Variants in ARHGAP31 observed in about 807,000 individuals in gnomAD.
The protein encoded by ARHGAP31 is rho GTPase-activating protein 31.
In ARHGAP31, 34 loss-of-function variants were observed where a neutral mutation model predicts 113.9. That is an observed-to-expected ratio of 0.30 (90% CI 0.23 to 0.40). The LOEUF (loss-of-function observed/expected upper bound fraction) is 0.40, where lower values mean the gene tolerates loss of function less well. ARHGAP31 is among the 10% of genes least tolerant of loss of function. ARHGAP31 has a pLI of 1.00. For synonymous variants in ARHGAP31, 650 were observed against 684.8 expected, an observed-to-expected ratio of 0.95 and a Z score of 0.79; for missense variants, 1,548 against 1,767.1, an observed-to-expected ratio of 0.88 and a Z score of 2.22.
At chr3:119,328,774 G>A (rs780171201) in intron 1 of ARHGAP31, among the ~76,000 whole-genome samples, 2 of 152,060 alleles carry the variant, frequency 1.3e-5, no homozygotes, top group African/African-American at 2.4e-5. Context: ...TGGAGTAGCT[G>A]GGACTACAGG....
chr3:119,410,383 G>A (rs1395723089), intron 11 of ARHGAP31, among the ~76,000 whole-genome samples: 1 of 152,158 alleles, frequency 6.6e-6, no homozygotes, highest in African/African-American at 2.4e-5. Flanking sequence ...CCAAGGAGGA[G>A]TCCTGCATTT....
Position 119,414,696 on chromosome 3 carries a change from C to A in ARHGAP31, c.2767C>A (p.Leu923Met). The change falls in exon 12 of 12, where the codon CTG becomes ATG. Residue 923 changes from leucine (L) to methionine (M), a missense_variant. Transcript: ENST00000264245. ...GACGAGTCCCCTTCACTCTCCCACC[C>A]TGAAAGACGCGCACAAGGCCCAGGT... is the stretch of plus-strand genomic sequence containing the variant. ...WVTSPLHSPT[L>M]KDAHKAQVQG... The A allele has an allele frequency of 2.5e-6, 4 of 1,614,224 alleles. No homozygotes were observed. The highest frequency in any genetic ancestry group is 2.5e-6 in the Non-Finnish European group (3 of 1,180,044).
chr3:119,404,535 G>A (rs1391983924), intron 10 of ARHGAP31, among the ~76,000 whole-genome samples: 1 of 152,178 alleles, frequency 6.6e-6, no homozygotes, highest in East Asian at 1.9e-4. Context: ...CTTCTTCCAT[G>A]ATTATTCCAT....
At position 119,414,221 on chromosome 3, in the gene ARHGAP31, T is replaced by C. The variant is rs754736555; in HGVS notation, c.2292T>C (p.Ser764=). Residue 764 remains serine (S), a synonymous_variant, in exon 12 of 12, where the codon TCT becomes TCC. Coordinates refer to ENST00000264245, the MANE Select transcript of ARHGAP31 (RefSeq NM_020754.4). ...AAATAGTTCCTTTTGAGAAGGCATC[T>C]CCACAAGCAACAGTGGAAGTAGGAG... is the stretch of plus-strand genomic sequence containing the variant. The part of the protein sequence containing the change: ...PLEIVPFEKA[S]PQATVEVGGP... 5.0e-6 allele frequency: 8 copies of C among 1,614,134 alleles called. No homozygotes were observed. The highest frequency in any genetic ancestry group is 4.5e-5 in the East Asian group (2 of 44,856).
chr3:119,367,330 G>A (rs2080259437), intron 2 of ARHGAP31, among the ~76,000 whole-genome samples: 2 of 152,128 alleles, frequency 1.3e-5, no homozygotes, highest in South Asian at 2.1e-4. Context: ...CTATATTAAA[G>A]CTCCAATTTA....
intron 1 of ARHGAP31, among the ~76,000 whole-genome samples, chr3:119,341,120 G>A (rs1316983491): frequency 6.6e-6 from 1 of 152,156 alleles, no homozygotes; most frequent in African/African-American, 2.4e-5. Context: ...GGAGTTGGGA[G>A]TCAGGAGTCC....
chr3:119,416,552 T>C lies in ARHGAP31; in HGVS notation c.*288T>C, dbSNP rs966456626. ...CCTCCAATGAACTTTGGAGCTTGTA[T>C]GTGAGTCAGATTGCTCCCCTATTGC... On this transcript the variant is annotated 3_prime_UTR_variant, in exon 12 of 12. Coordinates refer to ENST00000264245, the MANE Select transcript of ARHGAP31 (RefSeq NM_020754.4). 1 of 451,250 alleles carries C rather than the reference T, an allele frequency of 2.2e-6. No homozygotes were observed. The highest frequency in any genetic ancestry group is 4.1e-6 in the Non-Finnish European group (1 of 243,994). 28.0% of individuals were successfully genotyped at this position (451,250 alleles called of 1,614,324 possible).
chr3:119,313,878 G>A (rs1033384029), intron 1 of ARHGAP31, among the ~76,000 whole-genome samples: 1 of 152,320 alleles, frequency 6.6e-6, no homozygotes, highest in African/African-American at 2.4e-5. Flanking sequence ...CTTAAGGTAG[G>A]ATCAGAAAAC....
intron 6 of ARHGAP31, among the ~76,000 whole-genome samples, chr3:119,384,317 G>A (rs758343660): frequency 3.9e-5 from 6 of 152,238 alleles, no homozygotes; most frequent in Non-Finnish European, 8.8e-5. Context: ...GTGTAAAATG[G>A]TTCTTAATGT....
chr3:119,370,361 C>A (rs542533031), intron 3 of ARHGAP31, among the ~76,000 whole-genome samples: 1 of 152,282 alleles, frequency 6.6e-6, no homozygotes, highest in Admixed American at 6.5e-5. Flanking sequence ...CTACAGTTAA[C>A]ATGTTGTGGG....
At chr3:119,334,309 G>A (rs750988011) in intron 1 of ARHGAP31, among the ~76,000 whole-genome samples, 5 of 152,164 alleles carry the variant, frequency 3.3e-5, no homozygotes, top group Non-Finnish European at 5.9e-5. Flanking sequence ...CCAGACACTT[G>A]CGTGACTGCT....
At chr3:119,306,302 C>G (rs1484711367) in intron 1 of ARHGAP31, among the ~76,000 whole-genome samples, 1 of 152,144 alleles carries the variant, frequency 6.6e-6, no homozygotes, top group African/African-American at 2.4e-5. Context: ...GGCCTGTAAT[C>G]ATAGCACTTT....
intron 1 of ARHGAP31, among the ~76,000 whole-genome samples, chr3:119,300,421 GA>G (rs1333471569): frequency 6.6e-6 from 1 of 152,174 alleles, no homozygotes; most frequent in Non-Finnish European, 1.5e-5. Flanking sequence ...TTGCCCTACT[GA>G]ATGAAGAAGC....
rs2079520874 is a variant in ARHGAP31 at position 119,295,052 on chromosome 3, G to C, written c.100+48G>C. 2.6e-6 allele frequency: 4 copies of C among 1,562,780 alleles called. No homozygotes were observed. The East Asian group carries it at 9.0e-5, about 35-fold the overall frequency. ...CCCCGCCCCCACCTTCTTTTTGTTT[G>C]AGGGAGAGACGGACTCTCTCGAGTT... On this transcript the variant is annotated intron_variant, in intron 1 of 11. Transcript: ENST00000264245.
At chr3:119,393,700 T>A in intron 8 of ARHGAP31, 109 bp downstream of exon 8, 4 of 1,465,274 alleles carry the variant, frequency 2.7e-6, no homozygotes, top group Non-Finnish European at 3.7e-6. Context: ...AAGAGAAACT[T>A]ATAAATTAAC....
chr3:119,308,764 G>A (rs146145296), intron 1 of ARHGAP31, among the ~76,000 whole-genome samples: 8 of 152,166 alleles, frequency 5.3e-5, no homozygotes, highest in Non-Finnish European at 7.4e-5. Context: ...GAAAGGTGTC[G>A]CACTGGGCAA....
chr3:119,406,685 G>A (rs1427451372), intron 10 of ARHGAP31, among the ~76,000 whole-genome samples: 1 of 152,188 alleles, frequency 6.6e-6, no homozygotes, highest in African/African-American at 2.4e-5. Flanking sequence ...TTCTGCCTCA[G>A]AGCATTTTAT....
At chr3:119,314,914 G>A (rs1416195977) in intron 1 of ARHGAP31, 2 of 152,242 alleles carry the variant, frequency 1.3e-5, no homozygotes, top group East Asian at 3.8e-4. Flanking sequence ...CTGATAGGCA[G>A]TGAATGCAAT....
intron 1 of ARHGAP31, among the ~76,000 whole-genome samples, chr3:119,339,918 G>C (rs1281125278): frequency 1.3e-5 from 2 of 152,186 alleles, no homozygotes; most frequent in Non-Finnish European, 2.9e-5. Context: ...GGGAAAAATT[G>C]ATCAACTGGA....
Sources: gnomAD v4.1 joint callset for allele counts (sites outside exome capture counted in the v4.1 genomes callset) on GRCh38, gnomAD v4.1.1 for gene constraint, MANE v1.5 for transcripts, NCBI Gene and HGNC (gene_info 2026-07-23, HGNC 2026-07-21) for gene names.